The following KCNJ2 variants were observed in gnomAD, a reference collection of about 807,000 sequenced individuals.
KCNJ2 encodes inward rectifier potassium channel 2.
A neutral mutation model predicts 28.4 loss-of-function variants in KCNJ2; 12 were observed. That is an observed-to-expected ratio of 0.42 (90% CI 0.27 to 0.68). The LOEUF (loss-of-function observed/expected upper bound fraction) is 0.68. Ranked by LOEUF, KCNJ2 falls within the 30% of genes least tolerant of loss-of-function variation. The pLI is 0.23. For missense variants in KCNJ2, 320 were observed against 551.3 expected, an observed-to-expected ratio of 0.58 and a Z score of 4.20; for synonymous variants, 200 against 203.2, an observed-to-expected ratio of 0.98 and a Z score of 0.13.
rs892363220 is a variant in KCNJ2 at position 70,178,881 on chromosome 17, A to G, written c.*2558A>G. 6 of 166,980 alleles carry G rather than the reference A, an allele frequency of 3.6e-5. No homozygotes were observed. The highest frequency in any genetic ancestry group is 1.4e-4 in the African/African-American group (6 of 41,432). The allele number at this position is 166,980 out of a possible 1,614,324, so 10.3% of individuals were successfully genotyped here. A position where few individuals can be genotyped will look rare whatever the true frequency, so the allele number is the denominator to read the frequency against. On this transcript the variant is annotated 3_prime_UTR_variant, in exon 2 of 2. Coordinates refer to ENST00000243457, the MANE Select transcript of KCNJ2 (RefSeq NM_000891.3). ...TAATTGCCATAGAAAGTATAATTTCAGTGCAGTAATTTCTGAGAGCTAGTA... is the reference window on the plus strand; with the variant it reads ...TAATTGCCATAGAAAGTATAATTTCGGTGCAGTAATTTCTGAGAGCTAGTA...
At position 70,176,059 on chromosome 17, in the gene KCNJ2, C is replaced by G; in HGVS notation, c.1020C>G (p.Asp340Glu). Reference sequence around the variant, plus strand: ...AAGAGAAGCACTACTACAAAGTGGACTATTCCAGGTTCCACAAAACTTACG... The same window carrying G: ...AAGAGAAGCACTACTACAAAGTGGAGTATTCCAGGTTCCACAAAACTTACG... ...LFEEKHYYKVDYSRFHKTYEV... is the reference protein window; with the variant it reads ...LFEEKHYYKVEYSRFHKTYEV... Residue 340 changes from aspartate to glutamate, a missense_variant, in exon 2 of 2, where the codon GAC becomes GAG. Physicochemically the swap from Asp to Glu is conservative, Grantham distance 45. Around this residue, in one of 3 missense-constraint regions of KCNJ2, gnomAD observed 155 missense variants for 231.6 expected, o/e 0.67. Coordinates refer to ENST00000243457, the MANE Select transcript of KCNJ2 (RefSeq NM_000891.3). 2 of 1,614,138 alleles carry G rather than the reference C, an allele frequency of 1.2e-6. No individual in the cohort carries two copies. Among genetic ancestry groups the G allele is most frequent in the South Asian group, 1.1e-5 (1 of 91,086 alleles).
chr17:70,171,808 A>T (rs570918071), intron 1 of KCNJ2, among the ~76,000 whole-genome samples: 1 of 152,232 alleles, frequency 6.6e-6, no homozygotes, highest in Non-Finnish European at 1.5e-5. Context: ...TATGGCCTGG[A>T]TAAAAATGAT....
chr17:70,174,911 A>G lies in KCNJ2; in HGVS notation c.-129A>G. 2.3e-6 allele frequency: 2 copies of G among 869,616 alleles called. No homozygotes were observed. The highest frequency in any genetic ancestry group is 3.7e-6 in the Non-Finnish European group (2 of 534,368). The allele number at this position is 869,616 out of a possible 1,614,324, so 53.9% of individuals were successfully genotyped here. A position where few individuals can be genotyped will look rare whatever the true frequency, so the allele number is the denominator to read the frequency against. On this transcript the variant is annotated 5_prime_UTR_variant, in exon 2 of 2. Coordinates refer to ENST00000243457, the MANE Select transcript of KCNJ2 (RefSeq NM_000891.3). ...TGGTAGAACCACAAGGCTCCCAGAGACACCCATCTCTCCTCATTTTTTTGG... is the reference window on the plus strand; with the variant it reads ...TGGTAGAACCACAAGGCTCCCAGAGGCACCCATCTCTCCTCATTTTTTTGG...
chr17:70,171,057 C>G (rs1160842556), intron 1 of KCNJ2, among the ~76,000 whole-genome samples: 1 of 152,200 alleles, frequency 6.6e-6, no homozygotes, highest in African/African-American at 2.4e-5. Context: ...CCTTGTATGA[C>G]TTTTGCGTAG....
intron 1 of KCNJ2, among the ~76,000 whole-genome samples, chr17:70,173,245 A>G (rs2074374177): frequency 1.3e-5 from 2 of 152,232 alleles, no homozygotes; most frequent in South Asian, 2.1e-4. Flanking sequence ...ATGCACAAAA[A>G]CAACATAAAT....
chr17:70,173,275 C>G (rs930117260), intron 1 of KCNJ2, among the ~76,000 whole-genome samples: 1 of 152,138 alleles, frequency 6.6e-6, no homozygotes, highest in Non-Finnish European at 1.5e-5. Flanking sequence ...TATTTGTTTG[C>G]GGCTGGCTTG....
Position 70,175,126 on chromosome 17 carries a change from C to T in KCNJ2, c.87C>T (p.Gly29=), listed in dbSNP as rs1027878057. 1.9e-6 allele frequency: 3 copies of T among 1,614,050 alleles called. No individual in the cohort carries two copies. Among genetic ancestry groups the T allele is most frequent in the Non-Finnish European group, 1.7e-6 (2 of 1,180,042 alleles). ...TGGCCACCATGGCAGTTGCAAATGG[C>T]TTTGGGAACGGGAAGAGTAAAGTCC... ...MKLATMAVAN[G]FGNGKSKVHT... is the part of the protein sequence containing the mutation. The change falls in exon 2 of 2, where the codon GGC becomes GGT. Residue 29 remains glycine (G), a synonymous_variant. Transcript: ENST00000243457. The surrounding 1 kb of genome is among the most constrained non-coding windows in gnomAD (Gnocchi z 8.3).
chr17:70,176,094 A>G lies in KCNJ2; in HGVS notation c.1055A>G (p.Asn352Ser). 6.2e-7 allele frequency: 1 copy of G among 1,614,080 alleles called. No homozygotes were observed. The highest frequency in any genetic ancestry group is 8.5e-7 in the Non-Finnish European group (1 of 1,180,000). ...TTCCACAAAACTTACGAAGTCCCCAACACTCCCCTTTGTAGTGCCAGAGAC... is the reference window on the plus strand; with the variant it reads ...TTCCACAAAACTTACGAAGTCCCCAGCACTCCCCTTTGTAGTGCCAGAGAC... ...SRFHKTYEVP[N>S]TPLCSARDLA... Residue 352 changes from asparagine to serine, a missense_variant, in exon 2 of 2, where the codon AAC becomes AGC. This residue lies in a region of KCNJ2 where 155 missense variants were observed against 231.6 expected (regional missense o/e 0.67). Coordinates refer to ENST00000243457, the MANE Select transcript of KCNJ2 (RefSeq NM_000891.3).
Position 70,176,023 on chromosome 17 carries a change from T to C in KCNJ2, c.984T>C (p.Pro328=), listed in dbSNP as rs905657549. The change falls in exon 2 of 2, where the codon CCT becomes CCC. Residue 328 remains proline, a synonymous_variant. Coordinates refer to ENST00000243457, the MANE Select transcript of KCNJ2 (RefSeq NM_000891.3). ...NEILWGHRYE[P]VLFEEKHYYK... ...TCCTGTGGGGCCACCGCTATGAGCC[T>C]GTGCTCTTTGAAGAGAAGCACTACT... The C allele has an allele frequency of 1.4e-5, 22 of 1,614,038 alleles. No homozygotes were observed. The Middle Eastern group carries it at 6.6e-4, about 48-fold the overall frequency.
At chr17:70,174,521 G>A (rs930176269) in intron 1 of KCNJ2, among the ~76,000 whole-genome samples, 3 of 152,090 alleles carry the variant, frequency 2.0e-5, no homozygotes, top group African/African-American at 4.8e-5. Context: ...AGAAGGGAGA[G>A]GTAGACCTGA....
At position 70,176,441 on chromosome 17, in the gene KCNJ2, G is replaced by T; in HGVS notation, c.*118G>T. The T allele has an allele frequency of 1.1e-6, 1 of 875,218 alleles. No homozygotes were observed. Among genetic ancestry groups the T allele is most frequent in the African/African-American group, 1.7e-5 (1 of 60,506 alleles). The allele number at this position is 875,218 out of a possible 1,614,324, so 54.2% of individuals were successfully genotyped here. On this transcript the variant is annotated 3_prime_UTR_variant, in exon 2 of 2. Coordinates refer to ENST00000243457, the MANE Select transcript of KCNJ2 (RefSeq NM_000891.3). ...ATGGGTCAAGCAAGCGGCCACAAGG[G>T]ACTGAGGCAAGCACAATGGTTTCAA...
At position 70,178,166 on chromosome 17, in the gene KCNJ2, G is replaced by C. The variant is rs896460642; in HGVS notation, c.*1843G>C. ...TGCCATTAAAAAACAGCTTGTTCTA[G>C]AATCATGTATTTTGTAAACTGATGT... On this transcript the variant is annotated 3_prime_UTR_variant, in exon 2 of 2. Transcript: ENST00000243457. 5 of 166,538 alleles carry C rather than the reference G, an allele frequency of 3.0e-5. No individual in the cohort carries two copies. The highest frequency in any genetic ancestry group is 1.2e-4 in the African/African-American group (5 of 41,268). The allele number at this position is 166,538 out of a possible 1,614,324, so 10.3% of individuals were successfully genotyped here.
intron 1 of KCNJ2, among the ~76,000 whole-genome samples, chr17:70,174,451 A>G (rs2074380516): frequency 1.3e-5 from 2 of 152,192 alleles, no homozygotes; most frequent in Admixed American, 1.3e-4. Context: ...GGAATCAGAC[A>G]GTCTTTCATC....
chr17:70,175,025 T>A lies in KCNJ2; in HGVS notation c.-15T>A. 1 of 1,613,380 alleles carries A rather than the reference T, an allele frequency of 6.2e-7. No homozygotes were observed. The highest frequency in any genetic ancestry group is 8.5e-7 in the Non-Finnish European group (1 of 1,179,662). On this transcript the variant is annotated 5_prime_UTR_variant, in exon 2 of 2. Transcript: ENST00000243457. This position sits in a 1 kb window ranked among gnomAD's most constrained non-coding sequence, Gnocchi z 8.3. ...GTTTTCCAAAGCAGAAGCACTGGAG[T>A]CCCCAGCAGAAGCGATGGGCAGTGT... is the stretch of plus-strand genomic sequence containing the variant.
At position 70,175,091 on chromosome 17, in the gene KCNJ2, G is replaced by A. The variant is rs947488726; in HGVS notation, c.52G>A (p.Gly18Ser). Residue 18 changes from glycine to serine, a missense_variant, in exon 2 of 2, where the codon GGT becomes AGT. Transcript: ENST00000243457. This position sits in a 1 kb window ranked among gnomAD's most constrained non-coding sequence, Gnocchi z 8.3. ...CAGCATCGTCTCTTCAGAAGAAGAC[G>A]GTATGAAGTTGGCCACCATGGCAGT... Reference protein sequence around the residue: ...RYSIVSSEEDGMKLATMAVAN... With the variant: ...RYSIVSSEEDSMKLATMAVAN... The A allele has an allele frequency of 1.1e-5, 17 of 1,614,068 alleles. No homozygotes were observed. Among genetic ancestry groups the A allele is most frequent in the Non-Finnish European group, 1.4e-5 (16 of 1,180,032 alleles).
In KCNJ2 at chr17:70,175,654, C is replaced by T. The variant is rs767844416; in HGVS notation, c.615C>T (p.Asp205=). The T allele has an allele frequency of 2.8e-5, 45 of 1,614,034 alleles. No homozygotes were observed. Among genetic ancestry groups the T allele is most frequent in the East Asian group, 4.5e-5 (2 of 44,888 alleles). ...ACAATGCCGTGATTGCCATGAGAGA[C>T]GGCAAGCTGTGTTTGATGTGGCGAG... is the stretch of plus-strand genomic sequence containing the variant. The part of the protein sequence containing the change: ...FSHNAVIAMR[D]GKLCLMWRVG... Residue 205 remains aspartate, a synonymous_variant, in exon 2 of 2, where the codon GAC becomes GAT. Transcript: ENST00000243457. The surrounding 1 kb of genome is among the most constrained non-coding windows in gnomAD (Gnocchi z 8.3).
Position 70,175,352 on chromosome 17 carries a change from T to C in KCNJ2, c.313T>C (p.Leu105=). 6.2e-7 allele frequency: 1 copy of C among 1,614,200 alleles called. No homozygotes were observed. The highest frequency in any genetic ancestry group is 8.5e-7 in the Non-Finnish European group (1 of 1,180,034). Residue 105 remains leucine (L), a synonymous_variant, in exon 2 of 2, where the codon TTG becomes CTG. Coordinates refer to ENST00000243457, the MANE Select transcript of KCNJ2 (RefSeq NM_000891.3). This position sits in a 1 kb window ranked among gnomAD's most constrained non-coding sequence, Gnocchi z 8.3. The part of the protein sequence containing the change: ...SWLFFGCVFW[L]IALLHGDLDA... ...GCTGTTTTTTGGCTGTGTGTTTTGGTTGATAGCTCTGCTCCATGGGGACCT... is the reference window on the plus strand; with the variant it reads ...GCTGTTTTTTGGCTGTGTGTTTTGGCTGATAGCTCTGCTCCATGGGGACCT...
At position 70,176,609 on chromosome 17, in the gene KCNJ2, C is replaced by G. The variant is rs142660363; in HGVS notation, c.*286C>G. On this transcript the variant is annotated 3_prime_UTR_variant, in exon 2 of 2. Coordinates refer to ENST00000243457, the MANE Select transcript of KCNJ2 (RefSeq NM_000891.3). The stretch of plus-strand genomic sequence containing the variant: ...CCAAAACTTGAACTTGCAGGCAAGC[C>G]TTGGTTGGGTATTTGATTTATCCAG... 4.8e-4 allele frequency: 233 copies of G among 483,644 alleles called. No homozygotes were observed. Among genetic ancestry groups the G allele is most frequent in the African/African-American group, 4.4e-3 (222 of 50,994 alleles). The allele number at this position is 483,644 out of a possible 1,614,324, so 30.0% of individuals were successfully genotyped here.
At chr17:70,174,544 T>A (rs1467822122) in intron 1 of KCNJ2, among the ~76,000 whole-genome samples, 2 of 152,102 alleles carry the variant, frequency 1.3e-5, no homozygotes, top group Non-Finnish European at 2.9e-5. Flanking sequence ...AATAGAATAT[T>A]CTAGATCCCT....
Sources: gnomAD v4.1 joint callset for allele counts (sites outside exome capture counted in the v4.1 genomes callset) on GRCh38, gnomAD v4.1.1 for gene constraint, gnomAD v4.1.1 regional missense constraint, Gnocchi (gnomAD v3.1) non-coding constraint, MANE v1.5 for transcripts, NCBI Gene and HGNC (gene_info 2026-07-23, HGNC 2026-07-21) for gene names.